The following SYNPR variants were observed in gnomAD, a reference collection of about 807,000 sequenced individuals.
SYNPR encodes the protein synaptoporin.
In SYNPR, 23 loss-of-function variants were observed where a neutral mutation model predicts 32.9. The observed-to-expected ratio is 0.70, with a 90% confidence interval of 0.50 to 0.99. The LOEUF (loss-of-function observed/expected upper bound fraction) is 0.99. Ranked by LOEUF, SYNPR falls within the 50% of genes least tolerant of loss-of-function variation. The probability of loss-of-function intolerance (pLI) is 0.00; values close to 1 mark genes in which losing one functional copy is unlikely to be tolerated. For synonymous variants in SYNPR, 146 were observed against 135.9 expected, an observed-to-expected ratio of 1.07 and a Z score of -0.52; for missense variants, 318 against 349.3, an observed-to-expected ratio of 0.91 and a Z score of 0.71.
intron 2 of SYNPR, among the ~76,000 whole-genome samples, chr3:63,323,068 A>C (rs2087128372): frequency 6.6e-6 from 1 of 152,062 alleles, no homozygotes; most frequent in South Asian, 2.1e-4. Flanking sequence ...GATTCAGAAA[A>C]GGCACAAAGC....
intron 2 of SYNPR, among the ~76,000 whole-genome samples, chr3:63,451,573 C>T (rs1227982147): frequency 6.6e-6 from 1 of 152,114 alleles, no homozygotes; most frequent in Non-Finnish European, 1.5e-5. Flanking sequence ...CTTGCCATTA[C>T]CCATTTGTTG....
At chr3:63,555,694 T>C (rs1378855824) in intron 3 of SYNPR, among the ~76,000 whole-genome samples, 1 of 152,168 alleles carries the variant, frequency 6.6e-6, no homozygotes, top group Non-Finnish European at 1.5e-5. Context: ...GAACCAAGAA[T>C]GTGCATTCAT....
At chr3:63,598,257 T>C (rs1699989806) in intron 4 of SYNPR, among the ~76,000 whole-genome samples, 1 of 152,238 alleles carries the variant, frequency 6.6e-6, no homozygotes. Context: ...CAGGTTTACC[T>C]GGTCTGAAAT....
intron 3 of SYNPR, among the ~76,000 whole-genome samples, chr3:63,503,338 T>C (rs1701520171): frequency 6.6e-6 from 1 of 152,148 alleles, no homozygotes; most frequent in Admixed American, 6.6e-5. Flanking sequence ...TTGTGTATCC[T>C]GGATAACAGT....
At chr3:63,367,944 T>C (rs1000031477) in intron 2 of SYNPR, among the ~76,000 whole-genome samples, 2 of 152,172 alleles carry the variant, frequency 1.3e-5, no homozygotes, top group Middle Eastern at 3.4e-3. Flanking sequence ...TCTACAGAGA[T>C]TGGGTGGTAA....
rs149543740 is a variant in SYNPR at position 63,489,098 on chromosome 3, C to T, written c.209+8142C>T. On this transcript the variant is annotated intron_variant, in intron 3 of 5. Coordinates refer to ENST00000478300, the MANE Select transcript of SYNPR (RefSeq NM_001130003.2). Reference sequence around the variant, plus strand: ...GAGTGCAAGTAGTTTTCTTGGAAGACGATCCTGGAAGCACCGGTGAGGAAT... The same window carrying T: ...GAGTGCAAGTAGTTTTCTTGGAAGATGATCCTGGAAGCACCGGTGAGGAAT... 2.7e-4 allele frequency among the ~76,000 whole-genome samples: 41 copies of T among 152,116 alleles called. No individual in the cohort carries two copies. The South Asian group carries it at 4.8e-3, about 18-fold the overall frequency.
intron 2 of SYNPR, among the ~76,000 whole-genome samples, chr3:63,309,222 T>C (rs751542554): frequency 2.0e-4 from 31 of 152,030 alleles, no homozygotes; most frequent in Non-Finnish European, 3.2e-4. Flanking sequence ...GTTTTTATCT[T>C]CAAATGTCTC....
intron 2 of SYNPR, among the ~76,000 whole-genome samples, chr3:63,401,191 G>A (rs1012152633): frequency 6.6e-6 from 1 of 152,142 alleles, no homozygotes; most frequent in African/African-American, 2.4e-5. Flanking sequence ...AAGGAAGTCT[G>A]CAGGCAGATT....
chr3:63,427,599 C>G (rs1331761293), intron 2 of SYNPR: 1 of 152,232 alleles, frequency 6.6e-6, no homozygotes, highest in Non-Finnish European at 1.5e-5. Flanking sequence ...GAGACAGAAG[C>G]TTCGTATTTA....
chr3:63,407,238 A>G (rs887140007), intron 2 of SYNPR, among the ~76,000 whole-genome samples: 1 of 152,248 alleles, frequency 6.6e-6, no homozygotes, highest in Non-Finnish European at 1.5e-5. Context: ...GATTGGCTCC[A>G]GAGTGGTAAC....
chr3:63,291,828 TTC>T (rs140571848), intron 2 of SYNPR, among the ~76,000 whole-genome samples: 1,894 of 149,284 alleles, frequency 0.013, 35 homozygotes, highest in African/African-American at 0.043. Flanking sequence ...GTTTCTTTCT[TTC>T]TCTCTCTCTC....
chr3:63,541,452 G>A (rs1416971146), intron 3 of SYNPR, among the ~76,000 whole-genome samples: 1 of 152,036 alleles, frequency 6.6e-6, no homozygotes, highest in Admixed American at 6.6e-5. Flanking sequence ...ACAGCAAAAT[G>A]CACCAGTTCT....
intron 3 of SYNPR, among the ~76,000 whole-genome samples, chr3:63,269,524 A>G (rs1370786822): frequency 2.0e-5 from 3 of 152,112 alleles, no homozygotes; most frequent in Admixed American, 1.3e-4. Flanking sequence ...CCAATCCTAG[A>G]ATTTATGTAA....
the SYNPR span, among the ~76,000 whole-genome samples, chr3:63,222,966 A>G: frequency 6.6e-6 from 1 of 152,136 alleles, no homozygotes; most frequent in African/African-American, 2.4e-5. Context: ...GTATATCTCA[A>G]TTCCTCAAAA....
At chr3:63,471,785 G>A (rs1427994861) in intron 2 of SYNPR, among the ~76,000 whole-genome samples, 1 of 152,174 alleles carries the variant, frequency 6.6e-6, no homozygotes, top group African/African-American at 2.4e-5. Context: ...GAAAGGAGAT[G>A]GGACAAGAGG....
intron 3 of SYNPR, among the ~76,000 whole-genome samples, chr3:63,517,996 A>T (rs1701832452): frequency 6.6e-6 from 1 of 152,216 alleles, no homozygotes; most frequent in Non-Finnish European, 1.5e-5. Flanking sequence ...GCAAGAAGGC[A>T]ACAAACACCA....
Position 63,243,830 on chromosome 3 carries a change from T to C in SYNPR, n.67-8669T>C, listed in dbSNP as rs192941909. On this transcript the variant is annotated intron_variant and non_coding_transcript_variant, in intron 1 of 4. Coordinates refer to the SYNPR transcript ENST00000478456. Reference sequence around the variant, plus strand: ...TTTAACCAATTTTTCTTTTGTTTTTTACTGCCCACCCAGATTGAGTTAAAG... The same window carrying C: ...TTTAACCAATTTTTCTTTTGTTTTTCACTGCCCACCCAGATTGAGTTAAAG... Among the ~76,000 whole-genome samples the C allele has an allele frequency of 5.0e-3, 767 of 152,108 alleles. 7 individuals carry two copies. Among genetic ancestry groups the C allele is most frequent in the South Asian group, 0.013 (61 of 4,822 alleles).
intron 2 of SYNPR, among the ~76,000 whole-genome samples, chr3:63,422,294 C>A (rs542307735): frequency 6.6e-6 from 1 of 152,218 alleles, no homozygotes; most frequent in Non-Finnish European, 1.5e-5. Context: ...TAAAATGGGA[C>A]CTTTTCCCTA....
chr3:63,480,860 G>A lies in SYNPR; in HGVS notation c.113G>A (p.Cys38Tyr), dbSNP rs1701032948. The A allele has an allele frequency of 8.7e-6, 14 of 1,613,512 alleles. No homozygotes were observed. The highest frequency in any genetic ancestry group is 2.2e-5 in the East Asian group (1 of 44,858). Residue 38 changes from cysteine to tyrosine, a missense_variant, in exon 3 of 6, where the codon TGC becomes TAC. Coordinates refer to ENST00000478300, the MANE Select transcript of SYNPR (RefSeq NM_001130003.2). ...LLFAIFAFAT[C>Y]GGYSGGLRLS... ...TTTGCAATCTTTGCATTTGCAACATGCGGTGGCTATTCTGGAGGCCTGCGG... is the reference window on the plus strand; with the variant it reads ...TTTGCAATCTTTGCATTTGCAACATACGGTGGCTATTCTGGAGGCCTGCGG...
Sources: allele counts gnomAD v4.1 joint callset (sites outside exome capture counted in the v4.1 genomes callset), GRCh38; gene constraint gnomAD v4.1.1; transcripts MANE v1.5; gene names NCBI Gene and HGNC (gene_info 2026-07-23, HGNC 2026-07-21).